Variants in DMD observed in about 807,000 individuals in gnomAD.
DMD encodes the protein dystrophin.
DMD carries 63 observed loss-of-function variants against 330.1 expected under a neutral mutation model. The observed-to-expected ratio is 0.19, with a 90% CI of 0.16 to 0.24. The LOEUF is 0.24. Ranked by LOEUF, DMD falls within the 10% of genes least tolerant of loss-of-function variation. The pLI is 1.00. For synonymous variants in DMD, 1,223 were observed against 959.8 expected, an observed-to-expected ratio of 1.27 and a Z score of -5.07; for missense variants, 3,344 against 2,684.1, an observed-to-expected ratio of 1.25 and a Z score of -5.43.
chrX:33,052,437 G>T (rs1468207582), intron 1 of DMD, among the ~76,000 whole-genome samples: 2 of 111,901 alleles, frequency 1.8e-5, no homozygotes, highest in Non-Finnish European at 3.8e-5. Flanking sequence ...AAAACACACG[G>T]AAGTAAATTT....
chrX:32,188,473 A>G (rs1344649640), intron 44 of DMD, among the ~76,000 whole-genome samples: 1 of 102,499 alleles, frequency 9.8e-6, no homozygotes, highest in Non-Finnish European at 2.0e-5. Context: ...TTTGGTCTAT[A>G]GTTAAACTTA....
intron 1 of DMD, among the ~76,000 whole-genome samples, chrX:33,132,734 G>A (rs2095506397): frequency 1.8e-5 from 2 of 112,395 alleles, no homozygotes; most frequent in Non-Finnish European, 3.8e-5. Context: ...CGAAGTCAAA[G>A]CAATTTAACT....
At chrX:31,709,732 T>C (rs749747345) in intron 52 of DMD, among the ~76,000 whole-genome samples, 1 of 111,031 alleles carries the variant, frequency 9.0e-6, no homozygotes, top group Admixed American at 9.7e-5. Flanking sequence ...AGAGTGCACA[T>C]ATTTCTTAAG....
chrX:32,821,166 G>C (rs1000082435), intron 5 of DMD, among the ~76,000 whole-genome samples: 1 of 111,440 alleles, frequency 9.0e-6, no homozygotes, highest in African/African-American at 3.3e-5. Context: ...CATTAAGCCT[G>C]TTCAGAGAAT....
intron 15 of DMD, among the ~76,000 whole-genome samples, chrX:32,567,332 GATATT>G (rs2051844771): frequency 8.9e-6 from 1 of 112,328 alleles, no homozygotes; most frequent in East Asian, 2.8e-4. Context: ...TACAAATTAA[GATATT>G]ATACACTGAA....
chrX:31,391,634 A>G (rs2060687599), intron 60 of DMD, among the ~76,000 whole-genome samples: 1 of 109,932 alleles, frequency 9.1e-6, no homozygotes, highest in Non-Finnish European at 1.9e-5. Context: ...GCACTTTGGG[A>G]GGCTGAGATG....
chrX:33,254,516 T>C (rs983604678), intron 1 of DMD, among the ~76,000 whole-genome samples: 1 of 110,451 alleles, frequency 9.1e-6, no homozygotes, highest in East Asian at 2.8e-4. Flanking sequence ...CCCCTATATT[T>C]TGATATAGAC....
At chrX:32,042,272 G>C (rs7049520) in intron 44 of DMD, among the ~76,000 whole-genome samples, 1 of 106,425 alleles carries the variant, frequency 9.4e-6, no homozygotes, top group Admixed American at 1.0e-4. Context: ...TAAAGGAAAG[G>C]GATTTAATTG....
rs3834997 is a variant in DMD at position 32,849,828 on chromosome X, T to TAA, written c.94-10_94-9dup. ...AATATGCTGCTTCCCAAACTGAAAT[T>TAA]AAAAAAAATACACTCAATTTAACAA... On this transcript the variant is annotated splice_polypyrimidine_tract_variant and intron_variant, in intron 2 of 78. Coordinates refer to ENST00000357033, the MANE Select transcript of DMD (RefSeq NM_004006.3). The TAA allele has an allele frequency of 8.0e-6, 9 of 1,129,669 alleles. No individual in the cohort carries two copies. The highest frequency in any genetic ancestry group is 1.1e-5 in the Non-Finnish European group (9 of 822,398). The allele number at this position is 1,129,669 out of a possible 1,213,427, so 93.1% of individuals were successfully genotyped here. A position where few individuals can be genotyped will look rare whatever the true frequency, so the allele number is the denominator to read the frequency against.
intron 1 of DMD, among the ~76,000 whole-genome samples, chrX:33,294,275 A>G (rs940042943): frequency 2.7e-5 from 3 of 111,014 alleles, no homozygotes; most frequent in East Asian, 2.9e-4. Context: ...TTTTATTACA[A>G]TTTTCACCAG....
chrX:32,667,644 G>A (rs16990563), intron 9 of DMD, among the ~76,000 whole-genome samples: 8,559 of 111,117 alleles, frequency 0.077, 790 homozygotes, highest in African/African-American at 0.27. Context: ...GGAAATCCTA[G>A]GGGTCAACAT....
chrX:32,898,611 GAC>G (rs1480768514), intron 2 of DMD, among the ~76,000 whole-genome samples: 1 of 111,969 alleles, frequency 8.9e-6, no homozygotes, highest in Non-Finnish European at 1.9e-5. Flanking sequence ...CAAATTGAGA[GAC>G]AGGTTATTTA....
At chrX:32,386,589 G>C in intron 32 of DMD, 124 bp from the exon 33 acceptor site, 1 of 598,354 alleles carries the variant, frequency 1.7e-6, no homozygotes. Flanking sequence ...TAATAGAGTA[G>C]CATTTTGCAG....
At chrX:32,262,810 C>G (rs1262289508) in intron 43 of DMD, among the ~76,000 whole-genome samples, 3 of 111,834 alleles carry the variant, frequency 2.7e-5, no homozygotes, top group Admixed American at 9.5e-5. Flanking sequence ...TTGGGAGGCT[C>G]ACATCTAATG....
intron 7 of DMD, among the ~76,000 whole-genome samples, chrX:32,783,199 C>CATATACACATATGTGT (rs1557026202): frequency 1.1e-5 from 1 of 93,490 alleles, no homozygotes; most frequent in Non-Finnish European, 2.2e-5. Flanking sequence ...TATATGTATA[C>CATATACACATATGTGT]ATATACACAT....
chrX:33,310,163 T>A (rs1460218650), intron 1 of DMD, among the ~76,000 whole-genome samples: 1 of 111,286 alleles, frequency 9.0e-6, no homozygotes, highest in Non-Finnish European at 1.9e-5. Flanking sequence ...TTGGATGTTT[T>A]CTTGAAACAT....
At chrX:32,005,873 A>T (rs764793284) in intron 44 of DMD, among the ~76,000 whole-genome samples, 4 of 111,474 alleles carry the variant, frequency 3.6e-5, no homozygotes, top group Non-Finnish European at 7.5e-5. Context: ...ACCCATATAC[A>T]TGGTACTATA....
intron 2 of DMD, among the ~76,000 whole-genome samples, chrX:32,850,286 T>C (rs2149019021): frequency 8.9e-6 from 1 of 111,928 alleles, no homozygotes; most frequent in East Asian, 2.8e-4. Flanking sequence ...GCATACACAT[T>C]TTGCATGCTA....
In DMD at chrX:33,329,529, A is replaced by G. The variant is rs139339920; in HGVS notation, c.7+9730T>C. On this transcript the variant is annotated intron_variant, in intron 1 of 17. Transcript: ENST00000288447. ...TAAATGTTCATCCAGAGTAGATGGA[A>G]TAAGTAAATTATAGGACATTTATAT... Among the ~76,000 whole-genome samples the G allele has an allele frequency of 7.0e-3, 784 of 112,302 alleles. 8 individuals are homozygous for G. Among genetic ancestry groups the G allele is most frequent in the African/African-American group, 0.023 (705 of 30,976 alleles).
Sources: gnomAD v4.1 joint callset for allele counts (sites outside exome capture counted in the v4.1 genomes callset) on GRCh38, gnomAD v4.1.1 for gene constraint, MANE v1.5 for transcripts, NCBI Gene and HGNC (gene_info 2026-07-23, HGNC 2026-07-21) for gene names.